DNAJC16: variants seen among roughly 807,000 people sequenced by gnomAD.
DNAJC16 encodes DnaJ heat shock protein family (Hsp40) member C16, also known as dnaJ homolog subfamily C member 16.
In DNAJC16, 76 loss-of-function variants were observed where a neutral mutation model predicts 92.7. The observed-to-expected ratio is 0.82, with a 90% CI of 0.68 to 0.99. DNAJC16 has a LOEUF of 0.99. Ranked by LOEUF, DNAJC16 falls within the 50% of genes least tolerant of loss-of-function variation. The probability of loss-of-function intolerance (pLI) is 0.00; values close to 1 mark genes in which losing one functional copy is unlikely to be tolerated. For missense variants in DNAJC16, 869 were observed against 942.4 expected (o/e 0.92, Z 1.02); for synonymous variants, 328 against 358.7 (o/e 0.91, Z 0.97).
rs1638644329 is a variant in DNAJC16 at position 15,559,514 on chromosome 1, G to C, written c.1024-12G>C. 3.7e-6 allele frequency: 6 copies of C among 1,613,598 alleles called. No homozygotes were observed. The highest frequency in any genetic ancestry group is 5.1e-6 in the Non-Finnish European group (6 of 1,179,800). On this transcript the variant is annotated splice_polypyrimidine_tract_variant and intron_variant, in intron 7 of 14. Transcript: ENST00000375847. The stretch of plus-strand genomic sequence containing the variant: ...CTGCATAAAATCTAGCTGATTCTTG[G>C]TTTTTCTCTAGGCCCGAGGTATGAA...
intron 11 of DNAJC16, chr1:15,565,460 A>G (rs921065918): frequency 1.1e-5 from 2 of 178,802 alleles, no homozygotes; most frequent in South Asian, 2.4e-4. Flanking sequence ...GTTGGTAGGT[A>G]CATAAAATTT....
chr1:15,551,748 A>G (rs577708809), intron 7 of DNAJC16, among the ~76,000 whole-genome samples: 18 of 152,032 alleles, frequency 1.2e-4, no homozygotes, highest in African/African-American at 4.1e-4. Flanking sequence ...CGAGCAGCTG[A>G]GACTACAGGC....
At chr1:15,552,993 C>T (rs1006925287) in intron 7 of DNAJC16, among the ~76,000 whole-genome samples, 2 of 151,718 alleles carry the variant, frequency 1.3e-5, no homozygotes, top group African/African-American at 2.4e-5. Flanking sequence ...TGGTCTCGAG[C>T]GCCTGACCTC....
At chr1:15,567,740 G>A (rs1330557458) in intron 14 of DNAJC16, 38 bp from the exon 15 acceptor site, 2 of 1,572,376 alleles carry the variant, frequency 1.3e-6, no homozygotes, top group Non-Finnish European at 1.7e-6. Flanking sequence ...AAATGTGTCA[G>A]GAAATGCCCT....
intron 3 of DNAJC16, among the ~76,000 whole-genome samples, chr1:15,536,072 C>CTTTTTTTTTT (rs758451008): frequency 4.3e-4 from 36 of 84,604 alleles, no homozygotes; most frequent in East Asian, 8.0e-4. Flanking sequence ...CTTTTCTTTT[C>CTTTTTTTTTT]TTTTTTTTTT....
chr1:15,544,899 A>C (rs566766644), intron 5 of DNAJC16, among the ~76,000 whole-genome samples: 2 of 143,504 alleles, frequency 1.4e-5, no homozygotes, highest in South Asian at 4.4e-4. Flanking sequence ...AAATTAAATC[A>C]CATGTTAGAA....
intron 8 of DNAJC16, 142 bp from the exon 9 acceptor site, chr1:15,562,000 G>A (rs1638702281): frequency 2.8e-6 from 2 of 708,456 alleles, no homozygotes; most frequent in Admixed American, 6.7e-5. Flanking sequence ...TCCTCCCTTA[G>A]TTGAAATGTC....
intron 7 of DNAJC16, among the ~76,000 whole-genome samples, chr1:15,559,224 C>T (rs759944520): frequency 6.6e-6 from 1 of 152,160 alleles, no homozygotes; most frequent in Non-Finnish European, 1.5e-5. Flanking sequence ...AGATGTGAGC[C>T]ACCACGTCCG....
rs137874081 is a variant in DNAJC16, at chr1:15,562,018, A to C, written c.1155-124A>C. ...TCCCTTAGTTGAAATGTCAGCTTTC[A>C]CTGGGCACAGTGTATTCACTTCCAT... On this transcript the variant is annotated intron_variant, in intron 8 of 14. Coordinates refer to ENST00000375847, the MANE Select transcript of DNAJC16 (RefSeq NM_015291.4). 443 of 859,384 alleles carry C rather than the reference A, an allele frequency of 5.2e-4. 1 individual carries two copies. In the East Asian group the frequency reaches 0.01, roughly 20 times the overall value. The allele number at this position is 859,384 out of a possible 1,614,324, so 53.2% of individuals were successfully genotyped here. A position where few individuals can be genotyped will look rare whatever the true frequency, so the allele number is the denominator to read the frequency against.
At position 15,567,899 on chromosome 1, in the gene DNAJC16, G is replaced by C. The variant is rs777089598; in HGVS notation, c.2071G>C (p.Glu691Gln). ...IPNQYDKHFM[E>Q]RDYTGYVLAL... is the part of the protein sequence containing the mutation. ...AAACCAATATGATAAGCATTTCATG[G>C]AGCGTGACTACACTGGTTATGTACT... The change falls in exon 15 of 15, where the codon GAG becomes CAG. Residue 691 changes from glutamate to glutamine, a missense_variant. Glu to Gln is a conservative substitution (Grantham distance 29). Coordinates refer to ENST00000375847, the MANE Select transcript of DNAJC16 (RefSeq NM_015291.4). 3 of 1,614,096 alleles carry C rather than the reference G, an allele frequency of 1.9e-6. No homozygotes were observed. In the African/African-American group the frequency reaches 4.0e-5, roughly 22 times the overall value.
At chr1:15,536,449 G>A (rs1225087126) in intron 3 of DNAJC16, 26 bp from the exon 4 acceptor site, 1 of 1,531,792 alleles carries the variant, frequency 6.5e-7, no homozygotes, top group Non-Finnish European at 8.8e-7. Flanking sequence ...TTTTGTTGTT[G>A]TTTAGATTTT....
rs566495250 is a variant in DNAJC16, at chr1:15,556,984, T to C, written c.1024-2542T>C. Reference sequence around the variant, plus strand: ...CTTTAATCTATATTGTGCTAACTCATATTAATTCATTCTCTAATGTTAAAC... The same window carrying C: ...CTTTAATCTATATTGTGCTAACTCACATTAATTCATTCTCTAATGTTAAAC... On this transcript the variant is annotated intron_variant, in intron 7 of 14. Coordinates refer to ENST00000375847, the MANE Select transcript of DNAJC16 (RefSeq NM_015291.4). Among the ~76,000 whole-genome samples, 5 of 152,394 alleles carry C rather than the reference T, an allele frequency of 3.3e-5. No individual in the cohort carries two copies. The East Asian group carries it at 9.6e-4, about 29-fold the overall frequency.
At position 15,563,845 on chromosome 1, in the gene DNAJC16, G is replaced by A. The variant is rs531084548; in HGVS notation, c.1339-84G>A. ...AGCCTGGGCGACAAAGCAAGACTCC[G>A]TCAAAAAAAAAAAAAAAAGCAAACA... is the stretch of plus-strand genomic sequence containing the variant. On this transcript the variant is annotated intron_variant, in intron 9 of 14. Coordinates refer to ENST00000375847, the MANE Select transcript of DNAJC16 (RefSeq NM_015291.4). The A allele has an allele frequency of 9.1e-5, 102 of 1,122,464 alleles. No individual in the cohort carries two copies. In the African/African-American group the frequency reaches 1.3e-3, roughly 14 times the overall value. 69.5% of individuals were successfully genotyped at this position (1,122,464 alleles called of 1,614,324 possible).
chr1:15,527,511 A>C (rs1009443086), intron 1 of DNAJC16, among the ~76,000 whole-genome samples: 1 of 152,190 alleles, frequency 6.6e-6, no homozygotes, highest in African/African-American at 2.4e-5. Flanking sequence ...CATTTTATGA[A>C]TAAGGACGCT....
Position 15,548,318 on chromosome 1 carries a change from G to T in DNAJC16, c.913G>T (p.Val305Leu). The T allele has an allele frequency of 6.2e-7, 1 of 1,614,186 alleles. No homozygotes were observed. Among genetic ancestry groups the T allele is most frequent in the South Asian group, 1.1e-5 (1 of 91,084 alleles). The change falls in exon 7 of 15, where the codon GTG becomes TTG. Residue 305 changes from valine (V) to leucine (L), a missense_variant. Transcript: ENST00000375847. ...TTATTTATCATTTGGATATGTATAT[G>T]TGGGTTTGAGAGGGACGGAAGAGAT... The part of the protein sequence containing the change: ...KDYLSFGYVY[V>L]GLRGTEEMTR...
In DNAJC16 at chr1:15,543,384, G is replaced by T. The variant is rs111254700; in HGVS notation, c.575-1015G>T. 9.6e-3 allele frequency among the ~76,000 whole-genome samples: 1,455 copies of T among 152,306 alleles called. 23 individuals are homozygous for T. Among genetic ancestry groups the T allele is most frequent in the African/African-American group, 0.032 (1,335 of 41,568 alleles). On this transcript the variant is annotated intron_variant, in intron 4 of 14. Transcript: ENST00000375847. ...ACTTCAGGCTGAAGGAACAGCCAAG[G>T]CCCTGAGGCAGGAGCATCCACTGTC... is the stretch of plus-strand genomic sequence containing the variant.
chr1:15,535,154 T>C (rs1570900512), intron 3 of DNAJC16, among the ~76,000 whole-genome samples: 1 of 148,806 alleles, frequency 6.7e-6, no homozygotes, highest in East Asian at 1.9e-4. Flanking sequence ...TAAAACAAAG[T>C]AAATTAACAG....
In DNAJC16 at chr1:15,562,139, C is replaced by T. The variant is rs778983459; in HGVS notation, c.1155-3C>T. On this transcript the variant is annotated splice_polypyrimidine_tract_variant and splice_region_variant and intron_variant, in intron 8 of 14. Transcript: ENST00000375847. ...TATAAAGTTTTGTCTTTTTGTTGTG[C>T]AGGTACTGTGTGGTTTTATTGACTG... The T allele has an allele frequency of 9.9e-6, 16 of 1,612,116 alleles. No homozygotes were observed. Among genetic ancestry groups the T allele is most frequent in the African/African-American group, 1.3e-5 (1 of 74,846 alleles).
chr1:15,537,939 C>G lies in DNAJC16; in HGVS notation c.574+1125C>G, dbSNP rs142738653. ...ACTCACATAAGAAACATACCTCAATCATCTCAGCACATTTAGTGCTTGCTG... is the reference window on the plus strand; with the variant it reads ...ACTCACATAAGAAACATACCTCAATGATCTCAGCACATTTAGTGCTTGCTG... On this transcript the variant is annotated intron_variant, in intron 4 of 14. Transcript: ENST00000375847. Among the ~76,000 whole-genome samples, 983 of 152,326 alleles carry G rather than the reference C, an allele frequency of 6.5e-3. 17 individuals are homozygous for G. The highest frequency in any genetic ancestry group is 0.022 in the African/African-American group (921 of 41,562).
Sources: gnomAD v4.1 joint callset for allele counts (sites outside exome capture counted in the v4.1 genomes callset) on GRCh38, gnomAD v4.1.1 for gene constraint, MANE v1.5 for transcripts, NCBI Gene and HGNC (gene_info 2026-07-23, HGNC 2026-07-21) for gene names.